Variants in NRG1 observed in about 807,000 individuals in gnomAD.
NRG1 encodes pro-neuregulin-1, membrane-bound isoform.
Under a neutral mutation model 63.8 loss-of-function variants are expected in NRG1, and 18 were observed. The ratio of observed to expected loss-of-function variants is 0.28; its 90% confidence interval spans 0.19 to 0.42. The LOEUF (loss-of-function observed/expected upper bound fraction) is 0.42, where lower values mean the gene tolerates loss of function less well. Among genes scored for constraint, NRG1 ranks in the 10% least tolerant of loss-of-function variants. The pLI, the probability that NRG1 is intolerant of heterozygous loss-of-function variation, is 1.00. For missense variants in NRG1, 762 were observed against 814.7 expected, an observed-to-expected ratio of 0.94 and a Z score of 0.79; for synonymous variants, 302 against 301.3, an observed-to-expected ratio of 1.00 and a Z score of -0.02.
intron 5 of NRG1, among the ~76,000 whole-genome samples, chr8:32,711,127 A>G (rs1259255369): frequency 6.6e-6 from 1 of 152,084 alleles, no homozygotes; most frequent in African/African-American, 2.4e-5. Context: ...AGAATATTTC[A>G]GTGGCTGTAT....
chr8:32,231,166 C>G (rs1846892305), intron 1 of NRG1, among the ~76,000 whole-genome samples: 1 of 151,910 alleles, frequency 6.6e-6, no homozygotes, highest in Non-Finnish European at 1.5e-5. Context: ...ACTCAGGTTT[C>G]TTGCCTAGGA....
intron 1 of NRG1, among the ~76,000 whole-genome samples, chr8:31,895,443 G>T (rs182492204): frequency 1.3e-5 from 2 of 152,326 alleles, no homozygotes; most frequent in East Asian, 3.9e-4. Context: ...CTTTGGCTTT[G>T]TTGATGGTAA....
At chr8:31,803,405 A>G (rs145486736) in intron 1 of NRG1, among the ~76,000 whole-genome samples, 1 of 152,266 alleles carries the variant, frequency 6.6e-6, no homozygotes, top group East Asian at 1.9e-4. Flanking sequence ...CCTGTTTTCT[A>G]TTCACCTTCC....
At chr8:32,438,508 G>C (rs996015654) in intron 1 of NRG1, among the ~76,000 whole-genome samples, 1 of 152,068 alleles carries the variant, frequency 6.6e-6, no homozygotes, top group Non-Finnish European at 1.5e-5. Flanking sequence ...ACAGATTTTT[G>C]TGTAAACATA....
At position 31,760,241 on chromosome 8, in the gene NRG1, G is replaced by C. The variant is rs558096774; in HGVS notation, c.37+120810G>C. Among the ~76,000 whole-genome samples the C allele has an allele frequency of 3.8e-3, 585 of 152,216 alleles. 1 individual carries two copies. The highest frequency in any genetic ancestry group is 0.02 in the Middle Eastern group (6 of 294). ...TAATTTTTGTATAAGGTGTAAGGAA[G>C]GGATCCAGTTTCAGCTTTCTACATA... On this transcript the variant is annotated intron_variant, in intron 1 of 10. Transcript: ENST00000519301.
At chr8:32,699,657 T>A (rs554875273) in intron 5 of NRG1, among the ~76,000 whole-genome samples, 2 of 152,340 alleles carry the variant, frequency 1.3e-5, no homozygotes, top group African/African-American at 4.8e-5. Context: ...TGTCACCCCA[T>A]AAATGTGATT....
At chr8:32,045,936 T>C (rs1392033083) in intron 1 of NRG1, among the ~76,000 whole-genome samples, 1 of 152,060 alleles carries the variant, frequency 6.6e-6, no homozygotes, top group Non-Finnish European at 1.5e-5. Flanking sequence ...TATTTGATAA[T>C]TTAAATTGGA....
intron 5 of NRG1, among the ~76,000 whole-genome samples, chr8:32,674,302 T>C (rs1396404943): frequency 1.3e-5 from 2 of 152,188 alleles, no homozygotes; most frequent in Non-Finnish European, 2.9e-5. Context: ...GTTTAATTCA[T>C]GTAAGAAAGC....
intron 1 of NRG1, among the ~76,000 whole-genome samples, chr8:32,446,133 G>A (rs1314183287): frequency 1.3e-5 from 2 of 152,146 alleles, no homozygotes; most frequent in African/African-American, 2.4e-5. Context: ...AGCACTATTG[G>A]TGTCACACAA....
chr8:32,083,073 C>T (rs967470433), intron 1 of NRG1, among the ~76,000 whole-genome samples: 5 of 152,208 alleles, frequency 3.3e-5, no homozygotes, highest in Middle Eastern at 3.4e-3. Flanking sequence ...GAGATGTGGG[C>T]GCAGTCATGA....
chr8:32,750,058 A>C (rs1331186105), intron 7 of NRG1, among the ~76,000 whole-genome samples: 2 of 152,230 alleles, frequency 1.3e-5, no homozygotes, highest in Admixed American at 1.3e-4. Context: ...TAATATAAGC[A>C]ATGTAATGTA....
chr8:31,793,625 G>A (rs1820920800), intron 1 of NRG1, among the ~76,000 whole-genome samples: 1 of 152,168 alleles, frequency 6.6e-6, no homozygotes, highest in Admixed American at 6.5e-5. Flanking sequence ...CAATCTAAAT[G>A]AATTCTTCCA....
At chr8:31,958,497 T>C (rs1586074874) in intron 1 of NRG1, among the ~76,000 whole-genome samples, 1 of 152,284 alleles carries the variant, frequency 6.6e-6, no homozygotes, top group Middle Eastern at 3.4e-3. Flanking sequence ...GGGTACAAGA[T>C]GTAGACTTGC....
intron 1 of NRG1, among the ~76,000 whole-genome samples, chr8:32,509,967 A>G (rs1028625270): frequency 6.6e-6 from 1 of 152,086 alleles, no homozygotes; most frequent in Non-Finnish European, 1.5e-5. Flanking sequence ...TGCCTGTGAA[A>G]ATCTAGTTTT....
intron 1 of NRG1, among the ~76,000 whole-genome samples, chr8:32,070,643 A>G (rs761676712): frequency 5.3e-5 from 8 of 152,046 alleles, no homozygotes; most frequent in Non-Finnish European, 8.8e-5. Flanking sequence ...TCTCAAATCT[A>G]TTCACCTCTC....
intron 1 of NRG1, among the ~76,000 whole-genome samples, chr8:31,886,480 T>C (rs1830723832): frequency 6.6e-6 from 1 of 152,084 alleles, no homozygotes; most frequent in African/African-American, 2.4e-5. Context: ...ATGAAAACAG[T>C]ATAAAGAAGA....
At chr8:32,400,251 A>G (rs1391911460) in intron 1 of NRG1, among the ~76,000 whole-genome samples, 1 of 152,198 alleles carries the variant, frequency 6.6e-6, no homozygotes, top group Non-Finnish European at 1.5e-5. Flanking sequence ...TGGGAGGCCA[A>G]TGTGGGTGAA....
intron 1 of NRG1, among the ~76,000 whole-genome samples, chr8:32,073,498 T>G (rs1399068987): frequency 2.0e-5 from 3 of 152,182 alleles, no homozygotes. Flanking sequence ...TTCCTTATCA[T>G]GGAATTATAA....
At chr8:32,263,729 G>A (rs1850628163) in intron 1 of NRG1, among the ~76,000 whole-genome samples, 3 of 152,204 alleles carry the variant, frequency 2.0e-5, no homozygotes, top group East Asian at 3.9e-4. Flanking sequence ...CAAGATTATC[G>A]TGGGTGGGCC....
Sources: gnomAD v4.1 joint callset for allele counts (sites outside exome capture counted in the v4.1 genomes callset) on GRCh38, gnomAD v4.1.1 for gene constraint, MANE v1.5 for transcripts, NCBI Gene and HGNC (gene_info 2026-07-23, HGNC 2026-07-21) for gene names.